FHOD3: variants seen among roughly 807,000 people sequenced by gnomAD.
The protein encoded by FHOD3 is FH1/FH2 domain-containing protein 3.
FHOD3 carries 90 observed loss-of-function variants against 173.0 expected under a neutral mutation model. That is an observed-to-expected ratio of 0.52 (90% CI 0.44 to 0.62). FHOD3 has a LOEUF of 0.62. FHOD3 is among the 20% of genes least tolerant of loss of function. The pLI, the probability that FHOD3 is intolerant of heterozygous loss-of-function variation, is 0.00. For missense variants in FHOD3, 1,945 were observed against 2,034.7 expected, an observed-to-expected ratio of 0.96 and a Z score of 0.85; for synonymous variants, 828 against 823.0, an observed-to-expected ratio of 1.01 and a Z score of -0.10.
At chr18:36,484,495 T>C (rs12967999) in intron 3 of FHOD3, among the ~76,000 whole-genome samples, 20,363 of 152,142 alleles carry the variant, frequency 0.13, 1,543 homozygotes, top group East Asian at 0.33. Flanking sequence ...TGGTATTAAC[T>C]GGTGAAATAA....
chr18:36,694,562 G>T (rs1469335197), intron 17 of FHOD3, among the ~76,000 whole-genome samples: 1 of 152,186 alleles, frequency 6.6e-6, no homozygotes, highest in South Asian at 2.1e-4. Flanking sequence ...TATAACAGCC[G>T]TGTGCTTTCC....
intron 3 of FHOD3, among the ~76,000 whole-genome samples, chr18:36,489,518 A>T (rs1212995216): frequency 1.3e-5 from 2 of 152,116 alleles, no homozygotes; most frequent in Non-Finnish European, 2.9e-5. Flanking sequence ...CAAAAAATTT[A>T]AAAATTAGCC....
intron 5 of FHOD3, among the ~76,000 whole-genome samples, chr18:36,533,642 G>A (rs942371939): frequency 1.3e-5 from 2 of 152,170 alleles, no homozygotes; most frequent in Non-Finnish European, 1.5e-5. Context: ...TGGGCAGGTG[G>A]GTGGAACTGC....
intron 17 of FHOD3, among the ~76,000 whole-genome samples, chr18:36,705,411 A>G (rs1307074950): frequency 6.6e-6 from 1 of 152,168 alleles, no homozygotes; most frequent in East Asian, 1.9e-4. Context: ...ACAGAGACTT[A>G]CGTTCCAGGC....
intron 5 of FHOD3, among the ~76,000 whole-genome samples, chr18:36,541,992 A>G (rs1215699054): frequency 1.3e-5 from 2 of 152,232 alleles, no homozygotes; most frequent in Non-Finnish European, 2.9e-5. Flanking sequence ...TAAGGCTCCC[A>G]GGAAATATTC....
chr18:36,576,557 T>C lies in FHOD3; in HGVS notation c.606+12T>C. On this transcript the variant is annotated intron_variant, in intron 6 of 28. Transcript: ENST00000590592. ...TCATTGGGTCAAAGGTAAGGGGAAG[T>C]TATGGTTGACTGTTTTGTTCACTTG... The C allele has an allele frequency of 6.2e-7, 1 of 1,600,908 alleles. No individual in the cohort carries two copies. The highest frequency in any genetic ancestry group is 8.5e-7 in the Non-Finnish European group (1 of 1,171,750).
At position 36,747,145 on chromosome 18, in the gene FHOD3, T is replaced by C. The variant is rs750093327; in HGVS notation, c.4232+10T>C. 3.8e-6 allele frequency: 6 copies of C among 1,591,782 alleles called. No homozygotes were observed. The South Asian group carries it at 6.9e-5, about 18-fold the overall frequency. ...GAAGGATAATCAACAGGTAAGTGGA[T>C]TGAGGAACTTATAGAAATATCAGTA... On this transcript the variant is annotated intron_variant, in intron 24 of 28. Coordinates refer to ENST00000590592, the MANE Select transcript of FHOD3 (RefSeq NM_001281740.3).
intron 5 of FHOD3, among the ~76,000 whole-genome samples, chr18:36,553,512 A>G (rs926624009): frequency 4.6e-5 from 7 of 152,150 alleles, no homozygotes; most frequent in African/African-American, 1.4e-4. Flanking sequence ...CTATTGGTCT[A>G]TTCAGGGATT....
chr18:36,570,350 AATG>A (rs932219860), intron 5 of FHOD3, among the ~76,000 whole-genome samples: 1 of 152,126 alleles, frequency 6.6e-6, no homozygotes, highest in African/African-American at 2.4e-5. Flanking sequence ...CCCAAGATGA[AATG>A]ATAACCTGAC....
At chr18:36,533,133 A>G (rs12458219) in intron 5 of FHOD3, among the ~76,000 whole-genome samples, 88,614 of 152,146 alleles carry the variant, frequency 0.58, 25,827 homozygotes, top group East Asian at 0.62. Flanking sequence ...TAGAACTTGA[A>G]CTGGGCTGTT....
At position 36,755,232 on chromosome 18, in the gene FHOD3, G is replaced by A. The variant is rs769012032; in HGVS notation, c.4346G>A (p.Arg1449Lys). 5.0e-6 allele frequency: 8 copies of A among 1,612,412 alleles called. No individual in the cohort carries two copies. The highest frequency in any genetic ancestry group is 1.6e-4 in the Middle Eastern group (1 of 6,082). ...SEFALEYRTT[R>K]ERVLQQKQKR... is the part of the protein sequence containing the mutation. ...TTTGCACTAGAGTATCGCACAACCA[G>A]GGAAAGGGTTTTGCAGCAGAAACAG... The change falls in exon 25 of 29, where the codon AGG becomes AAG. Residue 1449 changes from arginine to lysine, a missense_variant. Physicochemically the swap from Arg to Lys is conservative, Grantham distance 26. Around this residue, in one of 5 missense-constraint regions of FHOD3, gnomAD observed 354 missense variants for 359.9 expected, o/e 0.98. Transcript: ENST00000590592.
rs933420086 is a variant in FHOD3 at position 36,570,441 on chromosome 18, G to A, written c.512-6010G>A. On this transcript the variant is annotated intron_variant, in intron 5 of 28. Coordinates refer to ENST00000590592, the MANE Select transcript of FHOD3 (RefSeq NM_001281740.3). ...AACAAAATATCTCCAGCCCCAAACA[G>A]TTGCCTGGTGAATTCCACCAAACAT... 3.9e-5 allele frequency among the ~76,000 whole-genome samples: 6 copies of A among 152,090 alleles called. No individual in the cohort carries two copies. The East Asian group carries it at 9.6e-4, about 24-fold the overall frequency.
chr18:36,563,752 C>G (rs1004926588), intron 5 of FHOD3, among the ~76,000 whole-genome samples: 1 of 152,122 alleles, frequency 6.6e-6, no homozygotes, highest in African/African-American at 2.4e-5. Context: ...TTTTCTCATG[C>G]CCTGGAAACT....
At chr18:36,647,780 G>A (rs1193865357) in intron 10 of FHOD3, among the ~76,000 whole-genome samples, 1 of 152,170 alleles carries the variant, frequency 6.6e-6, no homozygotes, top group Non-Finnish European at 1.5e-5. Context: ...CTATGTCAAT[G>A]AATCCCACAG....
chr18:36,530,495 A>C (rs773659244), intron 5 of FHOD3, among the ~76,000 whole-genome samples: 3 of 152,190 alleles, frequency 2.0e-5, no homozygotes, highest in Non-Finnish European at 4.4e-5. Flanking sequence ...TGTTGAGAGA[A>C]TGAGTGAGTG....
chr18:36,717,988 A>C lies in FHOD3; in HGVS notation c.2690A>C (p.Gln897Pro). The part of the protein sequence containing the change: ...KGDGEAGRTQ[Q>P]EAEAVASLAT... ...GATGGGGAGGCTGGGAGGACCCAGC[A>C]GGAGGCAGAGGCGGTAGCCAGCCTT... Residue 897 changes from glutamine to proline, a missense_variant, in exon 19 of 29, where the codon CAG becomes CCG. By Grantham distance (76) the Gln-to-Pro change is moderately conservative. Transcript: ENST00000590592. The C allele has an allele frequency of 6.2e-7, 1 of 1,613,248 alleles. No individual in the cohort carries two copies. The highest frequency in any genetic ancestry group is 1.1e-5 in the South Asian group (1 of 90,822).
intron 14 of FHOD3, among the ~76,000 whole-genome samples, chr18:36,669,555 G>T (rs1341000862): frequency 2.0e-5 from 3 of 151,740 alleles, no homozygotes; most frequent in Non-Finnish European, 4.4e-5. Flanking sequence ...AGCAATAAGT[G>T]TATTATTTTA....
At chr18:36,430,626 G>A (rs1398954) in intron 3 of FHOD3, among the ~76,000 whole-genome samples, 135,616 of 152,266 alleles carry the variant, frequency 0.89, 60,591 homozygotes, top group African/African-American at 0.97. Flanking sequence ...ATTTTTAAAA[G>A]TTGAATCAGA....
chr18:36,355,439 T>C (rs2046315007), intron 1 of FHOD3, 100 bp from the exon 2 acceptor site: 3 of 916,278 alleles, frequency 3.3e-6, no homozygotes, highest in Non-Finnish European at 5.2e-6. Flanking sequence ...AGAACATTGC[T>C]TGATTTTACA....
Sources: gnomAD v4.1 joint callset for allele counts (sites outside exome capture counted in the v4.1 genomes callset) on GRCh38, gnomAD v4.1.1 for gene constraint, gnomAD v4.1.1 regional missense constraint, MANE v1.5 for transcripts, NCBI Gene and HGNC (gene_info 2026-07-23, HGNC 2026-07-21) for gene names.